The following MICAL2 variants were observed in gnomAD, a reference collection of about 807,000 sequenced individuals.
MICAL2 encodes microtubule associated monooxygenase, calponin and LIM domain containing 2.
MICAL2 carries 77 observed loss-of-function variants against 127.3 expected under a neutral mutation model. The observed-to-expected ratio is 0.60, with a 90% CI of 0.50 to 0.73. The LOEUF (loss-of-function observed/expected upper bound fraction) is 0.73, where lower values mean the gene tolerates loss of function less well. Ranked by LOEUF, MICAL2 falls within the 30% of genes least tolerant of loss-of-function variation. MICAL2 has a pLI of 0.00. For missense variants in MICAL2, 1,351 were observed against 1,434.4 expected (o/e 0.94, Z 0.94); for synonymous variants, 570 against 551.1 (o/e 1.03, Z -0.48).
At chr11:12,198,707 C>A (rs1167282885) in intron 3 of MICAL2, among the ~76,000 whole-genome samples, 1 of 152,180 alleles carries the variant, frequency 6.6e-6, no homozygotes, top group Non-Finnish European at 1.5e-5. Context: ...GAAGACAGCA[C>A]CATGCATGAC....
chr11:12,149,238 T>C (rs1010363486), intron 2 of MICAL2, among the ~76,000 whole-genome samples: 2 of 151,670 alleles, frequency 1.3e-5, no homozygotes, highest in Non-Finnish European at 2.9e-5. Context: ...GTCTAGAGTA[T>C]GAGGGGGCGG....
At chr11:12,118,046 G>A (rs1163022703) in intron 1 of MICAL2, among the ~76,000 whole-genome samples, 1 of 152,178 alleles carries the variant, frequency 6.6e-6, no homozygotes, top group Non-Finnish European at 1.5e-5. Flanking sequence ...TGTTGTGAAG[G>A]AGGAGTAGGA....
chr11:12,283,499 T>A (rs1404023542), intron 2 of MICAL2, among the ~76,000 whole-genome samples: 1 of 152,130 alleles, frequency 6.6e-6, no homozygotes, highest in Non-Finnish European at 1.5e-5. Context: ...ATTCAGACTT[T>A]AAAAAGAAGG....
At chr11:12,164,005 T>C (rs1855167822) in intron 3 of MICAL2, among the ~76,000 whole-genome samples, 1 of 152,118 alleles carries the variant, frequency 6.6e-6, no homozygotes, top group African/African-American at 2.4e-5. Flanking sequence ...TTGTGGCTGC[T>C]GAGGGACCCT....
chr11:12,338,413 G>A (rs1379445276), intron 32 of MICAL2, among the ~76,000 whole-genome samples: 1 of 152,084 alleles, frequency 6.6e-6, no homozygotes, highest in Non-Finnish European at 1.5e-5. Context: ...TATCCAATTT[G>A]CCAGTCTGTG....
At chr11:12,358,913 T>A (rs1369140079), downstream of MICAL2, 1 of 153,092 alleles carries the variant, frequency 6.5e-6, no homozygotes, top group African/African-American at 2.4e-5. Context: ...AGTTTCCAAA[T>A]GTCAGAAAGA....
In MICAL2 at chr11:12,213,348, A is replaced by G. The variant is rs1302912881; in HGVS notation, c.785A>G (p.Glu262Gly). The G allele has an allele frequency of 6.2e-7, 1 of 1,614,142 alleles. No homozygotes were observed. The highest frequency in any genetic ancestry group is 1.1e-5 in the South Asian group (1 of 91,080). Reference sequence around the variant, plus strand: ...AGCACAGCGGAAGCCAAGGTGGAAGAGATTAGTGGTGTGGCTTTCATCTTC... The same window carrying G: ...AGCACAGCGGAAGCCAAGGTGGAAGGGATTAGTGGTGTGGCTTTCATCTTC... ...RNSTAEAKVE[E>G]ISGVAFIFNQ... The change falls in exon 7 of 28, where the codon GAG becomes GGG. Residue 262 changes from glutamate to glycine, a missense_variant. Physicochemically the swap from Glu to Gly is moderately conservative, Grantham distance 98. Around this residue, in one of 2 missense-constraint regions of MICAL2, gnomAD observed 599 missense variants for 714.9 expected, o/e 0.84. Coordinates refer to ENST00000683283, the MANE Select transcript of MICAL2 (RefSeq NM_001282663.2).
At chr11:12,268,801 T>C (rs142846684) in intron 24 of MICAL2, among the ~76,000 whole-genome samples, 2,659 of 150,080 alleles carry the variant, frequency 0.018, 84 homozygotes, top group African/African-American at 0.062. Flanking sequence ...CCATCCTGGC[T>C]AACATGGTGA....
At chr11:12,337,813 G>C (rs1215046488) in intron 32 of MICAL2, among the ~76,000 whole-genome samples, 8 of 152,180 alleles carry the variant, frequency 5.3e-5, no homozygotes, top group African/African-American at 1.9e-4. Context: ...ACTATGGTCT[G>C]AGAGACAGTT....
In MICAL2 at chr11:12,349,882, A is replaced by T. The variant is rs1939018301; in HGVS notation, c.5560A>T (p.Lys1854Ter). The change falls in exon 33 of 35, where the codon AAG (lysine) becomes TAG (stop). Residue 1854 changes from lysine to a stop codon, truncating the protein, a stop_gained. Coordinates refer to the MICAL2 transcript ENST00000646065. LOFTEE classifies it high-confidence loss of function. The stretch of plus-strand genomic sequence containing the variant: ...AGCACAGCTTTTGCAGGAATGGTTT[A>T]AGCTGGTTCTGGAGAAGAATAAATT... 3 of 1,614,184 alleles carry T rather than the reference A, an allele frequency of 1.9e-6. No individual in the cohort carries two copies. Among genetic ancestry groups the T allele is most frequent in the Non-Finnish European group, 2.5e-6 (3 of 1,180,004 alleles).
chr11:12,213,603 G>A (rs1206643685), intron 7 of MICAL2, among the ~76,000 whole-genome samples, 193 bp downstream of exon 7: 1 of 152,194 alleles, frequency 6.6e-6, no homozygotes. Context: ...ATTCTTGAGG[G>A]AATGTTCTGG....
At chr11:12,333,864 A>G (rs768954824) in intron 32 of MICAL2, among the ~76,000 whole-genome samples, 18 of 152,198 alleles carry the variant, frequency 1.2e-4, no homozygotes, top group Non-Finnish European at 2.2e-4. Context: ...TCTGAAAGTC[A>G]TCAAAGGATC....
downstream of MICAL2, among the ~76,000 whole-genome samples, chr11:12,290,972 T>G (rs564242145): frequency 6.6e-6 from 1 of 152,242 alleles, no homozygotes; most frequent in African/African-American, 2.4e-5. Context: ...TTGGGGAAAC[T>G]AAGACCAGGG....
chr11:12,172,532 C>T (rs1313144223), intron 3 of MICAL2, among the ~76,000 whole-genome samples: 7 of 152,122 alleles, frequency 4.6e-5, no homozygotes, highest in Non-Finnish European at 1.0e-4. Flanking sequence ...TTGCAAGAAA[C>T]AAGGTGGGAG....
At position 12,226,189 on chromosome 11, in the gene MICAL2, T is replaced by A; in HGVS notation, c.1707T>A (p.Asn569Lys). Residue 569 changes from asparagine to lysine, a missense_variant, in exon 14 of 28, where the codon AAT (asparagine) becomes AAA (lysine). Coordinates refer to ENST00000683283, the MANE Select transcript of MICAL2 (RefSeq NM_001282663.2). ...TCTCTAGCAACTTTGACTCTTTGAA[T>A]GAAGATGATGCTGTGGAGAACAACC... Reference protein sequence around the residue: ...RPELINFDSLNEDDAVENNQL... With the variant: ...RPELINFDSLKEDDAVENNQL... 1.2e-6 allele frequency: 2 copies of A among 1,614,228 alleles called. No individual in the cohort carries two copies. Among genetic ancestry groups the A allele is most frequent in the Admixed American group, 1.7e-5 (1 of 60,028 alleles).
chr11:12,351,678 G>C (rs548562035), intron 33 of MICAL2, among the ~76,000 whole-genome samples: 1 of 152,310 alleles, frequency 6.6e-6, no homozygotes, highest in Non-Finnish European at 1.5e-5. Flanking sequence ...GAAGGGTAGG[G>C]TTGGGAGAGG....
chr11:12,158,298 A>G (rs1854407120), intron 2 of MICAL2, among the ~76,000 whole-genome samples: 1 of 152,208 alleles, frequency 6.6e-6, no homozygotes, highest in Admixed American at 6.5e-5. Flanking sequence ...AGCTAGTCTC[A>G]GTAGTCTTGA....
chr11:12,226,576 G>A (rs1229604258), intron 14 of MICAL2, among the ~76,000 whole-genome samples: 1 of 152,046 alleles, frequency 6.6e-6, no homozygotes, highest in East Asian at 1.9e-4. Flanking sequence ...TTGAGTTTGG[G>A]GTGACAGAAT....
intron 32 of MICAL2, among the ~76,000 whole-genome samples, chr11:12,345,846 T>A (rs1020285278): frequency 6.6e-6 from 1 of 152,192 alleles, no homozygotes; most frequent in African/African-American, 2.4e-5. Flanking sequence ...TGTTTAATTA[T>A]AGACTCTCTT....
Sources: allele counts gnomAD v4.1 joint callset (sites outside exome capture counted in the v4.1 genomes callset), GRCh38; gene constraint gnomAD v4.1.1; regional missense constraint gnomAD v4.1.1; transcripts MANE v1.5; gene names NCBI Gene and HGNC (gene_info 2026-07-23, HGNC 2026-07-21).